CFAP299: variants seen among roughly 807,000 people sequenced by gnomAD.
CFAP299 encodes the protein cilia and flagella associated protein 299.
A neutral mutation model predicts 27.0 loss-of-function variants in CFAP299; 21 were observed. The ratio of observed to expected loss-of-function variants is 0.78; its 90% CI spans 0.55 to 1.12. CFAP299 has a LOEUF of 1.12. Among genes scored for constraint, CFAP299 ranks in the 50% most tolerant of loss-of-function variants. The pLI is 0.00. For missense variants in CFAP299, 310 were observed against 276.6 expected (o/e 1.12, Z -0.86); for synonymous variants, 104 against 98.1 (o/e 1.06, Z -0.36).
intron 2 of CFAP299, among the ~76,000 whole-genome samples, chr4:80,398,242 C>T (rs1486774524): frequency 6.6e-6 from 1 of 152,106 alleles, no homozygotes; most frequent in African/African-American, 2.4e-5. Context: ...GAATCAATAT[C>T]GTGAAAATGG....
intron 2 of CFAP299, among the ~76,000 whole-genome samples, chr4:80,574,627 A>G (rs1292710664): frequency 1.3e-5 from 2 of 152,070 alleles, no homozygotes; most frequent in Non-Finnish European, 2.9e-5. Flanking sequence ...TTTTGGGGGT[A>G]TGTTCCTTCT....
chr4:80,624,824 A>T (rs1738799803), intron 3 of CFAP299, among the ~76,000 whole-genome samples: 1 of 152,162 alleles, frequency 6.6e-6, no homozygotes, highest in Admixed American at 6.5e-5. Context: ...AGGAGAGAAG[A>T]GGTTGATAAA....
chr4:80,393,666 T>C (rs1203691899), intron 2 of CFAP299, among the ~76,000 whole-genome samples: 3 of 152,180 alleles, frequency 2.0e-5, no homozygotes, highest in African/African-American at 7.2e-5. Flanking sequence ...GGCTATACCA[T>C]ATAGTTTAGG....
At chr4:80,541,794 A>G (rs35386809) in intron 2 of CFAP299, among the ~76,000 whole-genome samples, 2,223 of 152,278 alleles carry the variant, frequency 0.015, 35 homozygotes, top group South Asian at 0.076. Context: ...TAAGTGCTAT[A>G]AAGAAAAAGA....
At chr4:80,816,934 A>G (rs1354635880) in intron 3 of CFAP299, among the ~76,000 whole-genome samples, 4 of 152,196 alleles carry the variant, frequency 2.6e-5, no homozygotes, top group Non-Finnish European at 5.9e-5. Context: ...AGCCACATGC[A>G]GCCCATGGGC....
intron 2 of CFAP299, among the ~76,000 whole-genome samples, chr4:80,390,818 T>C (rs1376413564): frequency 2.3e-5 from 3 of 129,594 alleles, no homozygotes; most frequent in East Asian, 3.6e-4. Flanking sequence ...TATACACACA[T>C]ATATGTATAT....
intron 3 of CFAP299, among the ~76,000 whole-genome samples, chr4:80,671,339 AT>A (rs1741470237): frequency 1.3e-5 from 2 of 152,180 alleles, no homozygotes; most frequent in Admixed American, 1.3e-4. Context: ...GTTGTGTTCC[AT>A]TGGTCTACAT....
intron 3 of CFAP299, among the ~76,000 whole-genome samples, chr4:80,743,525 A>G (rs748581706): frequency 3.0e-4 from 46 of 152,182 alleles, no homozygotes; most frequent in Non-Finnish European, 5.1e-4. Context: ...TAAATGCACA[A>G]TATAGAATGA....
At chr4:80,927,370 A>T (rs1002337379) in intron 4 of CFAP299, among the ~76,000 whole-genome samples, 2 of 152,058 alleles carry the variant, frequency 1.3e-5, no homozygotes. Flanking sequence ...TAAAATGTTT[A>T]TTTCCTCTTC....
chr4:80,462,354 A>C (rs975096535), intron 2 of CFAP299, among the ~76,000 whole-genome samples: 1 of 152,134 alleles, frequency 6.6e-6, no homozygotes, highest in Non-Finnish European at 1.5e-5. Context: ...GGAGCAGACT[A>C]TAGTAATCTA....
intron 2 of CFAP299, chr4:80,420,119 G>C: frequency 2.2e-6 from 1 of 448,546 alleles, no homozygotes; most frequent in Non-Finnish European, 4.5e-6. Flanking sequence ...GAGCAGGCCT[G>C]TGTAGCAAAT....
intron 5 of CFAP299, among the ~76,000 whole-genome samples, chr4:80,948,763 T>C (rs1180880854): frequency 6.6e-6 from 1 of 152,114 alleles, no homozygotes; most frequent in Non-Finnish European, 1.5e-5. Context: ...AATGCCTTGC[T>C]AATGAATATT....
intron 2 of CFAP299, among the ~76,000 whole-genome samples, chr4:80,551,961 A>G (rs1156998941): frequency 6.6e-6 from 1 of 151,836 alleles, no homozygotes; most frequent in Non-Finnish European, 1.5e-5. Context: ...GTTGGCCAGG[A>G]TGGTCTTGAT....
chr4:80,363,551 T>C (rs1176780860), intron 2 of CFAP299, among the ~76,000 whole-genome samples: 1 of 152,196 alleles, frequency 6.6e-6, no homozygotes, highest in African/African-American at 2.4e-5. Context: ...ATACTATCAT[T>C]GGATAACATC....
intron 3 of CFAP299, among the ~76,000 whole-genome samples, chr4:80,701,111 T>C (rs917359680): frequency 6.6e-6 from 1 of 152,048 alleles, no homozygotes; most frequent in East Asian, 1.9e-4. Context: ...TTGCCTTCCA[T>C]ACTTTGAATA....
At chr4:80,691,170 G>A (rs1720656070) in intron 3 of CFAP299, among the ~76,000 whole-genome samples, 1 of 93,102 alleles carries the variant, frequency 1.1e-5, no homozygotes. Context: ...AGAAAAAGAG[G>A]GAATCCTCCC....
intron 4 of CFAP299, among the ~76,000 whole-genome samples, chr4:80,930,471 G>A (rs1382807549): frequency 6.6e-6 from 1 of 152,158 alleles, no homozygotes; most frequent in Admixed American, 6.6e-5. Context: ...ATCTGAAGTG[G>A]ATGTTGTGGG....
intron 2 of CFAP299, among the ~76,000 whole-genome samples, chr4:80,516,739 T>C (rs895213664): frequency 6.6e-6 from 1 of 152,136 alleles, no homozygotes; most frequent in Admixed American, 6.5e-5. Context: ...CATAGGGAGA[T>C]AGGAAATTTC....
chr4:80,560,247 C>A (rs1666410554), intron 2 of CFAP299, among the ~76,000 whole-genome samples: 1 of 152,060 alleles, frequency 6.6e-6, no homozygotes, highest in Non-Finnish European at 1.5e-5. Context: ...GGAAAATACC[C>A]AGTCCTGGAA....
Sources: gnomAD v4.1 joint callset for allele counts (sites outside exome capture counted in the v4.1 genomes callset) on GRCh38, gnomAD v4.1.1 for gene constraint, MANE v1.5 for transcripts, NCBI Gene and HGNC (gene_info 2026-07-23, HGNC 2026-07-21) for gene names.